CAST: variants seen among roughly 807,000 people sequenced by gnomAD.
The protein encoded by CAST is MIR583 host.
Under a neutral mutation model 119.6 loss-of-function variants are expected in CAST, and 76 were observed. That is an observed-to-expected ratio of 0.64 (90% CI 0.53 to 0.77). The LOEUF (loss-of-function observed/expected upper bound fraction) is 0.77. Ranked by LOEUF, CAST falls within the 30% of genes least tolerant of loss-of-function variation. CAST has a pLI of 0.00. For missense variants in CAST, 953 were observed against 946.5 expected (o/e 1.01, Z -0.09); for synonymous variants, 319 against 331.6 (o/e 0.96, Z 0.41).
chr5:96,010,104 G>A, the CAST span, among the ~76,000 whole-genome samples: 1 of 152,062 alleles, frequency 6.6e-6, no homozygotes, highest in Non-Finnish European at 1.5e-5. Flanking sequence ...GATGGTTATA[G>A]GCATGGGGCT....
chr5:96,096,512 C>A, the CAST span, among the ~76,000 whole-genome samples: 1 of 152,184 alleles, frequency 6.6e-6, no homozygotes, highest in Non-Finnish European at 1.5e-5. Flanking sequence ...ATTGGCCTAA[C>A]CATTCCTGCT....
At chr5:96,443,578 A>G in the CAST span, among the ~76,000 whole-genome samples, 1 of 152,226 alleles carries the variant, frequency 6.6e-6, no homozygotes, top group Non-Finnish European at 1.5e-5. Context: ...ACCGAATTTA[A>G]AAAGTATAAA....
chr5:96,075,499 G>C, the CAST span, among the ~76,000 whole-genome samples: 1 of 152,114 alleles, frequency 6.6e-6, no homozygotes, highest in East Asian at 1.9e-4. Flanking sequence ...TGACTAAGTA[G>C]GGACTCGAAA....
the CAST span, among the ~76,000 whole-genome samples, chr5:96,182,928 G>C: frequency 6.6e-6 from 1 of 152,006 alleles, no homozygotes. Context: ...CTCGAGGTCA[G>C]GAGATCGAGA....
the CAST span, among the ~76,000 whole-genome samples, chr5:95,977,995 C>A: frequency 6.6e-6 from 1 of 150,738 alleles, no homozygotes; most frequent in Non-Finnish European, 1.5e-5. Flanking sequence ...TTTTTTATGG[C>A]TGCATGGTAT....
chr5:96,771,967 C>A, intron 31 of CAST: 1 of 276,402 alleles, frequency 3.6e-6, no homozygotes, highest in Non-Finnish European at 6.8e-6. Flanking sequence ...TTAGAATGAC[C>A]ATCTGAGGCT....
intron 1 of CAST, among the ~76,000 whole-genome samples, chr5:96,612,093 T>G (rs1189561506): frequency 5.3e-5 from 8 of 152,188 alleles, no homozygotes; most frequent in Admixed American, 3.9e-4. Context: ...CATTACCATG[T>G]GTCTATCCGA....
chr5:96,012,199 C>T, the CAST span, among the ~76,000 whole-genome samples: 1 of 152,160 alleles, frequency 6.6e-6, no homozygotes, highest in African/African-American at 2.4e-5. Flanking sequence ...TAGTTAATGT[C>T]ACTGCAGTTC....
At chr5:96,491,490 C>CAAAAAAAAAAAAA in the CAST span, among the ~76,000 whole-genome samples, 28 of 56,768 alleles carry the variant, frequency 4.9e-4, no homozygotes, top group East Asian at 1.4e-3. Context: ...GACTCCATCT[C>CAAAAAAAAAAAAA]AAAAAAAAAA....
At chr5:96,464,845 C>A in the CAST span, among the ~76,000 whole-genome samples, 1 of 152,044 alleles carries the variant, frequency 6.6e-6, no homozygotes, top group East Asian at 1.9e-4. Flanking sequence ...ACATCCAATA[C>A]AGCAAGTGCT....
the CAST span, among the ~76,000 whole-genome samples, chr5:96,233,912 A>T: frequency 6.6e-6 from 1 of 152,086 alleles, no homozygotes; most frequent in Non-Finnish European, 1.5e-5. Flanking sequence ...TTTTCTAATG[A>T]CGTTGTAGAT....
the CAST span, among the ~76,000 whole-genome samples, chr5:96,049,182 A>G: frequency 6.6e-6 from 1 of 152,174 alleles, no homozygotes; most frequent in Non-Finnish European, 1.5e-5. Flanking sequence ...TTCTTACTTT[A>G]TGTACCTTTT....
chr5:96,031,559 G>A, the CAST span, among the ~76,000 whole-genome samples: 2 of 152,048 alleles, frequency 1.3e-5, no homozygotes, highest in Admixed American at 6.6e-5. Flanking sequence ...AAGTTACCTC[G>A]AACTGCTATT....
chr5:96,079,137 C>A, the CAST span: 28 of 475,706 alleles, frequency 5.9e-5, no homozygotes, highest in African/African-American at 4.6e-4. Context: ...TTACATCTTA[C>A]AACTCACACA....
At chr5:96,226,683 TG>T in the CAST span, among the ~76,000 whole-genome samples, 19 of 152,050 alleles carry the variant, frequency 1.2e-4, no homozygotes, top group African/African-American at 4.1e-4. Context: ...AAAAATCAAA[TG>T]TATTTTAAGA....
rs564684532 is a variant in CAST, at chr5:96,768,002, A to G, written c.2268+3A>G. 6.3e-7 allele frequency: 1 copy of G among 1,591,264 alleles called. No individual in the cohort carries two copies. Among genetic ancestry groups the G allele is most frequent in the East Asian group, 2.2e-5 (1 of 44,758 alleles). The stretch of plus-strand genomic sequence containing the variant: ...AAACCTCACAGAACACAGCAAAGGT[A>G]CTGTGCTTTTTCACATTTCACTCTT... On this transcript the variant is annotated splice_donor_region_variant and intron_variant, in intron 29 of 31. Coordinates refer to ENST00000675179, the MANE Select transcript of CAST (RefSeq NM_001750.7).
chr5:96,159,599 GCAGA>G, the CAST span, among the ~76,000 whole-genome samples: 1 of 152,008 alleles, frequency 6.6e-6, no homozygotes, highest in African/African-American at 2.4e-5. Flanking sequence ...TTTATATAAT[GCAGA>G]TTTTTGTTTT....
chr5:96,766,310 T>C (rs571080394), intron 27 of CAST, among the ~76,000 whole-genome samples, 165 bp downstream of exon 27: 1 of 152,354 alleles, frequency 6.6e-6, no homozygotes, highest in East Asian at 1.9e-4. Flanking sequence ...TAAATATTTA[T>C]TTGAGCCAAT....
chr5:95,968,118 A>C, the CAST span, among the ~76,000 whole-genome samples: 2 of 152,208 alleles, frequency 1.3e-5, no homozygotes, highest in African/African-American at 2.4e-5. Flanking sequence ...AGTGAAATTA[A>C]TAAAGAGAAA....
Sources: allele counts gnomAD v4.1 joint callset (sites outside exome capture counted in the v4.1 genomes callset), GRCh38; gene constraint gnomAD v4.1.1; transcripts MANE v1.5; gene names NCBI Gene and HGNC (gene_info 2026-07-23, HGNC 2026-07-21).